Variants in NUP93 observed in about 807,000 individuals in gnomAD.
NUP93 encodes nuclear pore complex protein Nup93.
Under a neutral mutation model 107.8 loss-of-function variants are expected in NUP93, and 55 were observed. That is an observed-to-expected ratio of 0.51 (90% CI 0.41 to 0.64). NUP93 has a LOEUF of 0.64. Ranked by LOEUF, NUP93 falls within the 30% of genes least tolerant of loss-of-function variation. The pLI is 0.00. For synonymous variants in NUP93, 390 were observed against 397.5 expected, an observed-to-expected ratio of 0.98 and a Z score of 0.22; for missense variants, 937 against 1,044.7, an observed-to-expected ratio of 0.90 and a Z score of 1.42.
intron 1 of NUP93, among the ~76,000 whole-genome samples, chr16:56,742,478 T>C (rs778963234): frequency 5.3e-5 from 8 of 152,276 alleles, no homozygotes; most frequent in Non-Finnish European, 7.3e-5. Flanking sequence ...TCATGATTAA[T>C]GTTTTATTAA....
chr16:56,839,823 A>G (rs1405618944), intron 20 of NUP93: 3 of 516,664 alleles, frequency 5.8e-6, no homozygotes, highest in Non-Finnish European at 1.1e-5. Flanking sequence ...GAGAAAATAC[A>G]GTCACTTCAG....
At chr16:56,799,742 C>T (rs1962980454) in intron 4 of NUP93, among the ~76,000 whole-genome samples, 1 of 152,200 alleles carries the variant, frequency 6.6e-6, no homozygotes, top group Non-Finnish European at 1.5e-5. Context: ...TGCTGCTTCT[C>T]AGTGTGCTTT....
chr16:56,833,165 G>GC, intron 12 of NUP93, 50 bp from the exon 13 acceptor site: 1 of 1,526,234 alleles, frequency 6.6e-7, no homozygotes, highest in Non-Finnish European at 8.8e-7. Context: ...CCACCAGTGA[G>GC]CCCCTTCTTT....
At chr16:56,731,182 AC>A (rs1961528754) in intron 1 of NUP93, among the ~76,000 whole-genome samples, 1 of 151,878 alleles carries the variant, frequency 6.6e-6, no homozygotes, top group African/African-American at 2.4e-5. Flanking sequence ...CGCAGGTCTC[AC>A]CCCTGACTTT....
In NUP93 at chr16:56,830,533, A is replaced by G. The variant is rs755799444; in HGVS notation, c.933A>G (p.Gly311=). The stretch of plus-strand genomic sequence containing the variant: ...CTTAACTGTTCCTCTTTTAGGATGG[A>G]GAGGTGGAAGGCCATCCTGTGTGGG... The part of the protein sequence containing the change: ...LPAPLPGLQD[G]EVEGHPVWAL... The change falls in exon 10 of 22, where the codon GGA becomes GGG. Residue 311 remains glycine (G), a synonymous_variant. Coordinates refer to ENST00000308159, the MANE Select transcript of NUP93 (RefSeq NM_014669.5). 1.9e-6 allele frequency: 3 copies of G among 1,572,656 alleles called. No individual in the cohort carries two copies. Among genetic ancestry groups the G allele is most frequent in the Non-Finnish European group, 2.6e-6 (3 of 1,151,054 alleles).
intron 13 of NUP93, 78 bp from the exon 14 acceptor site, chr16:56,834,050 T>G: frequency 6.3e-7 from 1 of 1,588,852 alleles, no homozygotes; most frequent in Non-Finnish European, 8.6e-7. Context: ...GGTCTGTGGA[T>G]TCAGCTTCCA....
chr16:56,749,981 C>G (rs1388022001), intron 2 of NUP93, among the ~76,000 whole-genome samples: 1 of 152,236 alleles, frequency 6.6e-6, no homozygotes, highest in African/African-American at 2.4e-5. Flanking sequence ...CCTGCAGTTA[C>G]CCCCAGTCTT....
rs550389311 is a variant in NUP93, at chr16:56,766,073, A to G, written c.297+7418A>G. Reference sequence around the variant, plus strand: ...AAGATTTCAGCCTTTTTATTTATCCATTCACACTTACTCCTGAATGCAAGG... The same window carrying G: ...AAGATTTCAGCCTTTTTATTTATCCGTTCACACTTACTCCTGAATGCAAGG... On this transcript the variant is annotated intron_variant, in intron 3 of 21. Transcript: ENST00000308159. Among the ~76,000 whole-genome samples the G allele has an allele frequency of 9.8e-5, 15 of 152,340 alleles. No individual in the cohort carries two copies. The South Asian group carries it at 2.7e-3, about 27-fold the overall frequency.
chr16:56,793,407 A>C (rs1962812072), intron 3 of NUP93, among the ~76,000 whole-genome samples: 1 of 152,144 alleles, frequency 6.6e-6, no homozygotes, highest in Non-Finnish European at 1.5e-5. Flanking sequence ...TCATCATTAG[A>C]TGCTGGCATC....
intron 8 of NUP93, among the ~76,000 whole-genome samples, chr16:56,827,939 G>T (rs1372403730): frequency 6.6e-6 from 1 of 152,138 alleles, no homozygotes; most frequent in East Asian, 1.9e-4. Context: ...GGCCAAAATG[G>T]TGAAACCCCA....
At position 56,821,572 on chromosome 16, in the gene NUP93, C is replaced by T. The variant is rs137927975; in HGVS notation, c.633C>T (p.Ser211=). The T allele has an allele frequency of 3.3e-5, 53 of 1,612,626 alleles. No homozygotes were observed. The South Asian group carries it at 3.8e-4, about 12-fold the overall frequency. The change falls in exon 7 of 22, where the codon TCC becomes TCT. Residue 211 remains serine, a synonymous_variant. Transcript: ENST00000308159. ...LQPNLVDLCA[S]VAELDDKSIS... ...CTAACCTGGTGGACCTTTGTGCTTC[C>T]GTCGCAGAGCTCGATGATAAGGTAG... is the stretch of plus-strand genomic sequence containing the variant.
intron 7 of NUP93, among the ~76,000 whole-genome samples, chr16:56,822,379 G>A (rs1365893665): frequency 1.3e-5 from 2 of 151,566 alleles, no homozygotes; most frequent in African/African-American, 4.8e-5. Flanking sequence ...AGGTGTGGTG[G>A]CATGCACCTG....
chr16:56,788,710 C>A (rs1596801424), intron 3 of NUP93, among the ~76,000 whole-genome samples: 1 of 152,194 alleles, frequency 6.6e-6, no homozygotes, highest in East Asian at 1.9e-4. Context: ...ATAGGAATGC[C>A]CTTAACCTTG....
At chr16:56,768,364 G>T (rs1288707821) in intron 3 of NUP93, among the ~76,000 whole-genome samples, 1 of 151,732 alleles carries the variant, frequency 6.6e-6, no homozygotes, top group Non-Finnish European at 1.5e-5. Context: ...GGGAGTTTGA[G>T]ACCAGCCTGA....
rs372688438 is a variant in NUP93, at chr16:56,821,540, C to G, written c.601C>G (p.Leu201Val). 2 of 1,613,142 alleles carry G rather than the reference C, an allele frequency of 1.2e-6. No homozygotes were observed. The highest frequency in any genetic ancestry group is 1.7e-6 in the Non-Finnish European group (2 of 1,179,322). The change falls in exon 7 of 22, where the codon CTG (leucine) becomes GTG (valine). Residue 201 changes from leucine to valine, a missense_variant. Leu to Val is a conservative substitution (Grantham distance 32). Coordinates refer to ENST00000308159, the MANE Select transcript of NUP93 (RefSeq NM_014669.5). ...TAATGAGAAAATTGTAAATGGACACCTGCAGCCTAACCTGGTGGACCTTTG... is the reference window on the plus strand; with the variant it reads ...TAATGAGAAAATTGTAAATGGACACGTGCAGCCTAACCTGGTGGACCTTTG... Reference protein sequence around the residue: ...IYNEKIVNGHLQPNLVDLCAS... With the variant: ...IYNEKIVNGHVQPNLVDLCAS...
chr16:56,753,566 A>G (rs1189559337), intron 2 of NUP93, among the ~76,000 whole-genome samples: 1 of 152,208 alleles, frequency 6.6e-6, no homozygotes. Context: ...AACCTATTAA[A>G]TCAGAATCTA....
At chr16:56,735,876 C>T (rs1961603830) in intron 1 of NUP93, among the ~76,000 whole-genome samples, 1 of 149,142 alleles carries the variant, frequency 6.7e-6, no homozygotes, top group Non-Finnish European at 1.5e-5. Flanking sequence ...GAGTAGGGTG[C>T]ATAGAGTTGG....
At chr16:56,757,553 T>C (rs1321158019) in intron 2 of NUP93, among the ~76,000 whole-genome samples, 1 of 151,860 alleles carries the variant, frequency 6.6e-6, no homozygotes, top group Non-Finnish European at 1.5e-5. Context: ...TTACAGAGAG[T>C]GTTCTAGATA....
At chr16:56,734,180 T>C (rs1275362328) in intron 1 of NUP93, among the ~76,000 whole-genome samples, 7 of 152,190 alleles carry the variant, frequency 4.6e-5, no homozygotes. Context: ...AACAGAAATG[T>C]GGTAGAGTGG....
Sources: gnomAD v4.1 joint callset for allele counts (sites outside exome capture counted in the v4.1 genomes callset) on GRCh38, gnomAD v4.1.1 for gene constraint, MANE v1.5 for transcripts, NCBI Gene and HGNC (gene_info 2026-07-23, HGNC 2026-07-21) for gene names.